Variants in PALM2AKAP2 observed in about 807,000 individuals in gnomAD.
PALM2AKAP2 encodes PALM2 and AKAP2 fusion, also known as PALM2-AKAP2 fusion protein.
In PALM2AKAP2, 37 loss-of-function variants were observed where a neutral mutation model predicts 71.5. The observed-to-expected ratio is 0.52, with a 90% CI of 0.40 to 0.68. The LOEUF is 0.68. PALM2AKAP2 is among the 30% of genes least tolerant of loss of function. The pLI, the probability that PALM2AKAP2 is intolerant of heterozygous loss-of-function variation, is 0.00. For missense variants in PALM2AKAP2, 1,224 were observed against 1,191.8 expected, an observed-to-expected ratio of 1.03 and a Z score of -0.40; for synonymous variants, 468 against 478.8, an observed-to-expected ratio of 0.98 and a Z score of 0.29.
exon 2 of PALM2AKAP2, chr9:110,136,259 G>A: frequency 6.2e-7 from 1 of 1,614,202 alleles, no homozygotes; most frequent in Non-Finnish European, 8.5e-7. Context: ...GGTGTCTGTT[G>A]CAGAATGTAA....
At chr9:110,081,968 C>T (rs939094401) in intron 1 of PALM2AKAP2, among the ~76,000 whole-genome samples, 30 of 152,220 alleles carry the variant, frequency 2.0e-4, no homozygotes, top group African/African-American at 7.0e-4. Context: ...CTGATTTCAA[C>T]CTTTTAATGT....
intron 6 of PALM2AKAP2, chr9:109,945,660 T>G (rs1831485900): frequency 6.6e-6 from 1 of 152,226 alleles, no homozygotes; most frequent in Admixed American, 6.5e-5. Context: ...CACTTGGAGA[T>G]TCAAGCTATT....
chr9:109,971,283 CTTTTTTTTT>C (rs11392589), intron 6 of PALM2AKAP2, among the ~76,000 whole-genome samples: 2,312 of 45,710 alleles, frequency 0.051, 106 homozygotes, highest in Admixed American at 0.17. Context: ...CTCTTAGTCC[CTTTTTTTTT>C]TTTTTTTTTT....
intron 1 of PALM2AKAP2, among the ~76,000 whole-genome samples, chr9:109,711,003 A>G (rs1260328989): frequency 6.6e-6 from 1 of 152,220 alleles, no homozygotes; most frequent in Non-Finnish European, 1.5e-5. Flanking sequence ...CATGCATGCA[A>G]AACTGGTTGA....
At chr9:110,146,329 T>C (rs1836169845) in intron 2 of PALM2AKAP2, among the ~76,000 whole-genome samples, 1 of 152,186 alleles carries the variant, frequency 6.6e-6, no homozygotes, top group South Asian at 2.1e-4. Context: ...AATTCCCTGG[T>C]ACAAGCAGGT....
At chr9:109,760,094 T>C (rs1350561889) in intron 1 of PALM2AKAP2, among the ~76,000 whole-genome samples, 1 of 152,206 alleles carries the variant, frequency 6.6e-6, no homozygotes, top group Non-Finnish European at 1.5e-5. Flanking sequence ...ACTGATTCGA[T>C]TTTTGCCCCT....
chr9:109,993,383 A>T (rs1199745656), intron 6 of PALM2AKAP2, among the ~76,000 whole-genome samples: 1 of 152,092 alleles, frequency 6.6e-6, no homozygotes, highest in Non-Finnish European at 1.5e-5. Context: ...CATTGAGAAG[A>T]GTTTCCTTCT....
At chr9:109,690,733 G>A (rs713145) in intron 1 of PALM2AKAP2, among the ~76,000 whole-genome samples, 99,012 of 151,992 alleles carry the variant, frequency 0.65, 33,325 homozygotes, top group African/African-American at 0.83. Flanking sequence ...TTACAAGTAT[G>A]TAAATTATAA....
intron 3 of PALM2AKAP2, among the ~76,000 whole-genome samples, chr9:109,881,366 T>C (rs1463285952): frequency 6.6e-6 from 1 of 152,230 alleles, no homozygotes; most frequent in African/African-American, 2.4e-5. Flanking sequence ...TTCATCTTTT[T>C]CCTCCTTCGG....
At chr9:110,051,428 T>A (rs913158329) in intron 1 of PALM2AKAP2, among the ~76,000 whole-genome samples, 17 of 152,258 alleles carry the variant, frequency 1.1e-4, no homozygotes, top group Non-Finnish European at 5.9e-5. Context: ...CACTTTGGTC[T>A]TTCTAGTCAT....
intron 1 of PALM2AKAP2, among the ~76,000 whole-genome samples, chr9:109,797,948 T>A (rs939879067): frequency 6.6e-6 from 1 of 152,200 alleles, no homozygotes; most frequent in African/African-American, 2.4e-5. Context: ...GCTGTTATAA[T>A]AAAGTGCCAC....
intron 1 of PALM2AKAP2, among the ~76,000 whole-genome samples, chr9:110,093,655 T>G (rs1245179400): frequency 6.6e-6 from 1 of 152,140 alleles, no homozygotes. Flanking sequence ...ACATTTGTGA[T>G]CTGGGGCCCA....
At chr9:109,957,889 G>T (rs568279152) in intron 6 of PALM2AKAP2, among the ~76,000 whole-genome samples, 1 of 152,298 alleles carries the variant, frequency 6.6e-6, no homozygotes, top group South Asian at 2.1e-4. Flanking sequence ...AGGGCTGGCC[G>T]CAGTGAGTCC....
chr9:110,025,415 T>A, intron 7 of PALM2AKAP2: 1 of 714,168 alleles, frequency 1.4e-6, no homozygotes, highest in Non-Finnish European at 2.5e-6. Flanking sequence ...TTTTTTTTGT[T>A]CCTTCACAAG....
upstream of PALM2AKAP2, among the ~76,000 whole-genome samples, chr9:109,779,006 G>C (rs1829390576): frequency 6.6e-6 from 1 of 152,162 alleles, no homozygotes; most frequent in African/African-American, 2.4e-5. Flanking sequence ...CTGACCTTAG[G>C]TGATCCACCC....
At chr9:109,664,493 C>A (rs1487925207) in intron 1 of PALM2AKAP2, among the ~76,000 whole-genome samples, 1 of 152,178 alleles carries the variant, frequency 6.6e-6, no homozygotes, top group Non-Finnish European at 1.5e-5. Flanking sequence ...AAATTCTTTT[C>A]TTTAAGAATG....
At chr9:110,140,728 C>T (rs1836006369) in intron 2 of PALM2AKAP2, among the ~76,000 whole-genome samples, 1 of 152,220 alleles carries the variant, frequency 6.6e-6, no homozygotes, top group Non-Finnish European at 1.5e-5. Flanking sequence ...GTTTTCCTCA[C>T]CAAACTTGGG....
intron 1 of PALM2AKAP2, among the ~76,000 whole-genome samples, chr9:110,064,922 A>G (rs1251257106): frequency 6.6e-6 from 1 of 152,102 alleles, no homozygotes; most frequent in Non-Finnish European, 1.5e-5. Context: ...GGTCTTAAAG[A>G]CATACTTTCT....
intron 6 of PALM2AKAP2, among the ~76,000 whole-genome samples, chr9:109,994,049 C>A (rs1444533066): frequency 6.6e-6 from 1 of 152,182 alleles, no homozygotes; most frequent in Non-Finnish European, 1.5e-5. Flanking sequence ...ACTGAACTCT[C>A]CCTTAAGGGT....
Sources: gnomAD v4.1 joint callset for allele counts (sites outside exome capture counted in the v4.1 genomes callset) on GRCh38, gnomAD v4.1.1 for gene constraint, MANE v1.5 for transcripts, NCBI Gene and HGNC (gene_info 2026-07-23, HGNC 2026-07-21) for gene names.